Variants in SCN3A observed in about 807,000 individuals in gnomAD.
The protein encoded by SCN3A is sodium channel protein type 3 subunit alpha.
Under a neutral mutation model 187.6 loss-of-function variants are expected in SCN3A, and 60 were observed. The observed-to-expected ratio is 0.32, with a 90% CI of 0.26 to 0.40. SCN3A has a LOEUF of 0.40. SCN3A is among the 10% of genes least tolerant of loss of function. The pLI, the probability that SCN3A is intolerant of heterozygous loss-of-function variation, is 1.00. For missense variants in SCN3A, 1,601 were observed against 2,428.2 expected, an observed-to-expected ratio of 0.66 and a Z score of 7.16; for synonymous variants, 788 against 829.2, an observed-to-expected ratio of 0.95 and a Z score of 0.85.
intron 13 of SCN3A, 142 bp from the exon 14 acceptor site, chr2:165,139,750 G>A: frequency 1.0e-6 from 1 of 1,000,044 alleles, no homozygotes; most frequent in Non-Finnish European, 1.5e-6. Flanking sequence ...TTATTGCTAA[G>A]TTATAAACAG....
At chr2:165,115,631 T>C (rs1204756732) in intron 18 of SCN3A, 56 bp from the exon 19 acceptor site, 19 of 1,525,220 alleles carry the variant, frequency 1.2e-5, no homozygotes, top group Non-Finnish European at 1.6e-5. Flanking sequence ...TTTAACTAAC[T>C]GGGAAATACT....
chr2:165,162,398 T>G, intron 8 of SCN3A, 27 bp from the exon 9 acceptor site: 1 of 1,607,888 alleles, frequency 6.2e-7, no homozygotes, highest in Non-Finnish European at 8.5e-7. Context: ...AAACCCATTT[T>G]ATTTCATATT....
chr2:165,190,416 A>T (rs777255901), intron 1 of SCN3A, among the ~76,000 whole-genome samples: 2 of 151,596 alleles, frequency 1.3e-5, no homozygotes, highest in Non-Finnish European at 2.9e-5. Context: ...GAGTAAATTC[A>T]TTAGCCTACA....
At position 165,092,736 on chromosome 2, in the gene SCN3A, G is replaced by A. The variant is rs1012777179; in HGVS notation, c.4537-212C>T. Reference sequence around the variant, plus strand: ...AACAAAGCATATTTGGTTTATATAGGTCCTATGGAAAGACAAAGCTGGATG... The same window carrying A: ...AACAAAGCATATTTGGTTTATATAGATCCTATGGAAAGACAAAGCTGGATG... On this transcript the variant is annotated intron_variant, in intron 26 of 27. Transcript: ENST00000283254. The surrounding 1 kb of genome is among the most constrained non-coding windows in gnomAD (Gnocchi z 4.2). 1.8e-6 allele frequency: 1 copy of A among 548,476 alleles called. No homozygotes were observed. The highest frequency in any genetic ancestry group is 3.2e-6 in the Non-Finnish European group (1 of 311,080). 34.0% of individuals were successfully genotyped at this position (548,476 alleles called of 1,614,324 possible). A position where few individuals can be genotyped will look rare whatever the true frequency, so the allele number is the denominator to read the frequency against.
chr2:165,201,189 A>G (rs141391947), intron 1 of SCN3A, among the ~76,000 whole-genome samples: 1 of 152,088 alleles, frequency 6.6e-6, no homozygotes, highest in Non-Finnish European at 1.5e-5. Context: ...TATTGGGCAT[A>G]AATAACTGTC....
intron 11 of SCN3A, among the ~76,000 whole-genome samples, chr2:165,149,262 A>C (rs1574226809): frequency 1.3e-5 from 2 of 149,988 alleles, no homozygotes; most frequent in African/African-American, 2.5e-5. Flanking sequence ...TGCAACCTCC[A>C]CCCCCGGGTT....
chr2:165,102,143 T>C (rs936922063), intron 21 of SCN3A, among the ~76,000 whole-genome samples: 2 of 152,236 alleles, frequency 1.3e-5, no homozygotes, highest in Non-Finnish European at 2.9e-5. Context: ...AATCCTTTAT[T>C]TGAGACATGG....
chr2:165,170,653 CTTGT>C (rs980830049), intron 3 of SCN3A, 105 bp from the exon 4 acceptor site: 3 of 747,076 alleles, frequency 4.0e-6, no homozygotes, highest in East Asian at 2.6e-5. Context: ...TTTGTTCAAA[CTTGT>C]TTGTTTAAAC....
At chr2:165,138,613 T>C (rs946921772) in intron 14 of SCN3A, among the ~76,000 whole-genome samples, 6 of 152,176 alleles carry the variant, frequency 3.9e-5, no homozygotes, top group African/African-American at 1.4e-4. Flanking sequence ...TGCCTTTCTT[T>C]TTAGTATAAA....
intron 2 of SCN3A, among the ~76,000 whole-genome samples, chr2:165,184,491 A>G (rs1691097495): frequency 7.2e-6 from 1 of 138,454 alleles, no homozygotes; most frequent in South Asian, 2.2e-4. Context: ...CAGAAAAAAA[A>G]AAAAAAAAGA....
intron 15 of SCN3A, among the ~76,000 whole-genome samples, chr2:165,132,757 C>T (rs776399689): frequency 2.6e-4 from 39 of 152,084 alleles, no homozygotes; most frequent in Non-Finnish European, 5.1e-4. Flanking sequence ...AAAGCAATGG[C>T]GACAAAAGCC....
chr2:165,131,272 C>A lies in SCN3A; in HGVS notation c.2537G>T (p.Gly846Val). ...LMELGLSNVE[G>V]LSVLRSFRLL... is the part of the protein sequence containing the mutation. Reference sequence around the variant, plus strand: ...TCTGAATGATCGCAGTACAGACAATCCCTCCACATTTGACAGACCAAGCTC... The same window carrying A: ...TCTGAATGATCGCAGTACAGACAATACCTCCACATTTGACAGACCAAGCTC... The change falls in exon 16 of 28, where the codon GGA becomes GTA. Residue 846 changes from glycine to valine, a missense_variant. Gly to Val is a moderately radical substitution (Grantham distance 109). Transcript: ENST00000283254. The A allele has an allele frequency of 6.3e-7, 1 of 1,596,572 alleles. No individual in the cohort carries two copies. The highest frequency in any genetic ancestry group is 8.6e-7 in the Non-Finnish European group (1 of 1,169,466).
chr2:165,157,213 A>G (rs867011179), intron 9 of SCN3A, among the ~76,000 whole-genome samples: 54 of 152,074 alleles, frequency 3.6e-4, no homozygotes, highest in Admixed American at 1.4e-3. Flanking sequence ...CCCAGCCCTC[A>G]GTTTTTTTCT....
intron 1 of SCN3A, among the ~76,000 whole-genome samples, chr2:165,188,978 T>C (rs1691426783): frequency 6.6e-6 from 1 of 152,070 alleles, no homozygotes; most frequent in African/African-American, 2.4e-5. Flanking sequence ...GGATGACTAT[T>C]TGAGAAAGGA....
chr2:165,146,400 G>GTGTGTGTGTGTGTT (rs1346904345), intron 12 of SCN3A, among the ~76,000 whole-genome samples: 5 of 145,308 alleles, frequency 3.4e-5, no homozygotes, highest in African/African-American at 1.3e-4. Context: ...GTGTGTGTGT[G>GTGTGTGTGTGTGTT]TGTGTGTGTG....
Position 165,170,524 on chromosome 2 carries a change from T to G in SCN3A, c.289A>C (p.Lys97Gln). 6.2e-7 allele frequency: 1 copy of G among 1,607,726 alleles called. No individual in the cohort carries two copies. The highest frequency in any genetic ancestry group is 8.5e-7 in the Non-Finnish European group (1 of 1,174,868). ...KKTFIVMNKGKAIFRFSATSA... is the reference protein window; with the variant it reads ...KKTFIVMNKGQAIFRFSATSA... ...GTGGCACTGAATCGGAAAATTGCCT[T>G]TCCTTTATTCATTACTATAAAAGTC... Residue 97 changes from lysine (K) to glutamine (Q), a missense_variant, in exon 4 of 28, where the codon AAG (lysine) becomes CAG (glutamine). Physicochemically the swap from Lys to Gln is moderately conservative, Grantham distance 53 (BLOSUM62 1). Around this residue, in one of 11 missense-constraint regions of SCN3A, gnomAD observed 122 missense variants for 225.1 expected, o/e 0.54. Coordinates refer to ENST00000283254, the MANE Select transcript of SCN3A (RefSeq NM_006922.4).
chr2:165,145,348 C>T (rs556873275), intron 12 of SCN3A, among the ~76,000 whole-genome samples: 1 of 151,990 alleles, frequency 6.6e-6, no homozygotes, highest in South Asian at 2.1e-4. Flanking sequence ...ACCAAGTTGC[C>T]CTTCAGAGCT....
chr2:165,118,741 C>A (rs59666769), intron 18 of SCN3A, among the ~76,000 whole-genome samples: 158 of 152,144 alleles, frequency 1.0e-3, no homozygotes, highest in African/African-American at 3.6e-3. Context: ...TGCATGCCAC[C>A]GTGCCTGGCT....
At chr2:165,180,317 C>A (rs1248315974) in intron 2 of SCN3A, among the ~76,000 whole-genome samples, 1 of 152,028 alleles carries the variant, frequency 6.6e-6, no homozygotes, top group Non-Finnish European at 1.5e-5. Context: ...GGCTGAGAGT[C>A]CAATGTGGGA....
Sources: allele counts gnomAD v4.1 joint callset (sites outside exome capture counted in the v4.1 genomes callset), GRCh38; gene constraint gnomAD v4.1.1; regional missense constraint gnomAD v4.1.1; non-coding constraint Gnocchi (gnomAD v3.1); transcripts MANE v1.5; gene names NCBI Gene and HGNC (gene_info 2026-07-23, HGNC 2026-07-21).